MTR: variants seen among roughly 807,000 people sequenced by gnomAD.
The protein encoded by MTR is 5-methyltetrahydrofolate-homocysteine methyltransferase, also known as methionine synthase.
In MTR, 84 loss-of-function variants were observed where a neutral mutation model predicts 154.8. The observed-to-expected ratio is 0.54, with a 90% CI of 0.45 to 0.65. The LOEUF is 0.65. MTR is among the 30% of genes least tolerant of loss of function. MTR has a pLI of 0.00. For missense variants in MTR, 1,275 were observed against 1,570.2 expected (o/e 0.81, Z 3.18); for synonymous variants, 554 against 553.9 (o/e 1.00, Z 0.00).
chr1:236,861,097 C>A, intron 19 of MTR, 28 bp from the exon 20 acceptor site: 12 of 1,156,650 alleles, frequency 1.0e-5, no homozygotes, highest in South Asian at 3.3e-5. Context: ...CTTTCTTTTT[C>A]TTTTTTTTTT....
At chr1:236,863,593 T>C (rs1169786833) in intron 22 of MTR, 39 bp downstream of exon 22, 1 of 1,562,642 alleles carries the variant, frequency 6.4e-7, no homozygotes, top group Non-Finnish European at 8.8e-7. Flanking sequence ...CCTTTTCCAT[T>C]TAAAAATGAA....
intron 18 of MTR, among the ~76,000 whole-genome samples, chr1:236,854,014 TG>T (rs750392128): frequency 2.3e-4 from 35 of 152,228 alleles, no homozygotes; most frequent in Non-Finnish European, 4.6e-4. Context: ...CCACAAAGCA[TG>T]TTGAGAAAGT....
intron 27 of MTR, among the ~76,000 whole-genome samples, chr1:236,887,051 G>A (rs535002016): frequency 2.3e-4 from 35 of 152,290 alleles, no homozygotes; most frequent in African/African-American, 8.2e-4. Flanking sequence ...AATAAAACGT[G>A]TAAGATGTTT....
At chr1:236,814,522 G>A (rs1661480213) in intron 6 of MTR, among the ~76,000 whole-genome samples, 1 of 152,114 alleles carries the variant, frequency 6.6e-6, no homozygotes, top group East Asian at 1.9e-4. Flanking sequence ...AAATAGAATC[G>A]AGAGCTAACT....
intron 7 of MTR, 113 bp downstream of exon 7, chr1:236,815,776 C>A (rs1327623965): frequency 4.0e-6 from 4 of 1,002,212 alleles, no homozygotes; most frequent in East Asian, 2.5e-5. Flanking sequence ...TAGAACTCAT[C>A]TACTTTAACT....
intron 9 of MTR, among the ~76,000 whole-genome samples, 196 bp from the exon 10 acceptor site, chr1:236,825,140 ATT>A (rs749672025): frequency 1.3e-4 from 15 of 114,106 alleles, no homozygotes; most frequent in Admixed American, 3.6e-4. Flanking sequence ...TTCCTCTGTG[ATT>A]TTTTTTTTTT....
At chr1:236,889,030 TTTA>T in intron 27 of MTR, 148 bp from the exon 28 acceptor site, 2 of 932,486 alleles carry the variant, frequency 2.1e-6, no homozygotes, top group Non-Finnish European at 3.5e-6. Flanking sequence ...TCCACGATAA[TTTA>T]AAGTTCCCCT....
intron 21 of MTR, 38 bp downstream of exon 21, chr1:236,862,381 G>C (rs1162651410): frequency 6.4e-7 from 1 of 1,554,256 alleles, no homozygotes; most frequent in Non-Finnish European, 8.9e-7. Context: ...CCTTTAGTGG[G>C]TTGACCTGGA....
chr1:236,876,712 G>GA (rs36013971), intron 24 of MTR, among the ~76,000 whole-genome samples: 97,912 of 150,964 alleles, frequency 0.65, 31,914 homozygotes, highest in South Asian at 0.7. Flanking sequence ...CCAGATTAAA[G>GA]AAAAAAAAAC....
chr1:236,867,279 C>G (rs1452989374), intron 22 of MTR, among the ~76,000 whole-genome samples: 4 of 152,264 alleles, frequency 2.6e-5, no homozygotes, highest in Middle Eastern at 6.8e-3. Flanking sequence ...TATGTTAAAT[C>G]TACTCTGTCT....
chr1:236,852,690 G>A, intron 17 of MTR, 53 bp downstream of exon 17: 1 of 1,520,136 alleles, frequency 6.6e-7, no homozygotes, highest in Non-Finnish European at 9.1e-7. Context: ...GTTGGGGCAG[G>A]GGTTTTCAAA....
In MTR at chr1:236,894,344, C is replaced by T. The variant is rs1030708610; in HGVS notation, c.3205-13C>T. 1.7e-5 allele frequency: 28 copies of T among 1,614,036 alleles called. No individual in the cohort carries two copies. Among genetic ancestry groups the T allele is most frequent in the Non-Finnish European group, 2.3e-5 (27 of 1,180,012 alleles). Reference sequence around the variant, plus strand: ...CGGCGCCCCCGCACACTCCTACACTCCTTGGTTTTAAGGCTGAGAAGGACT... The same window carrying T: ...CGGCGCCCCCGCACACTCCTACACTTCTTGGTTTTAAGGCTGAGAAGGACT... On this transcript the variant is annotated splice_polypyrimidine_tract_variant and intron_variant, in intron 29 of 32. Transcript: ENST00000366577.
In MTR at chr1:236,868,072, C is replaced by G. The variant is rs1390463518; in HGVS notation, c.2405+4518C>G. On this transcript the variant is annotated intron_variant, in intron 22 of 32. Coordinates refer to ENST00000366577, the MANE Select transcript of MTR (RefSeq NM_000254.3). ...TGAGTAAAACGCTATCAAACAGCAT[C>G]ACATGCTGCAGAGAAATCTTTTGTG... Among the ~76,000 whole-genome samples the G allele has an allele frequency of 2.6e-5, 4 of 152,184 alleles. No homozygotes were observed. In the East Asian group the frequency reaches 7.7e-4, roughly 29 times the overall value.
chr1:236,822,312 GTT>G (rs199660325), intron 8 of MTR, among the ~76,000 whole-genome samples: 1 of 124,916 alleles, frequency 8.0e-6, no homozygotes, highest in Non-Finnish European at 1.6e-5. Context: ...GGTTTTTTTT[GTT>G]TTTTTTTTTT....
chr1:236,806,340 A>T, intron 3 of MTR, 107 bp downstream of exon 3: 4 of 875,026 alleles, frequency 4.6e-6, no homozygotes, highest in Non-Finnish European at 7.7e-6. Flanking sequence ...GCTAATGCCT[A>T]GTTATCTGTT....
At chr1:236,879,446 C>T (rs555490659) in intron 24 of MTR, among the ~76,000 whole-genome samples, 1 of 152,174 alleles carries the variant, frequency 6.6e-6, no homozygotes, top group African/African-American at 2.4e-5. Flanking sequence ...ATGTTTTTGT[C>T]GAGGGGGAAG....
intron 15 of MTR, among the ~76,000 whole-genome samples, chr1:236,846,826 A>G (rs1663603813): frequency 6.6e-6 from 1 of 151,634 alleles, no homozygotes; most frequent in Admixed American, 6.6e-5. Flanking sequence ...CCTACTTGTC[A>G]GTGTCTCTCT....
At chr1:236,855,671 T>C (rs1664162966) in intron 18 of MTR, among the ~76,000 whole-genome samples, 1 of 152,190 alleles carries the variant, frequency 6.6e-6, no homozygotes, top group South Asian at 2.1e-4. Context: ...GTGAGGCCCC[T>C]GTGAGGCAGA....
rs551573249 is a variant in MTR at position 236,898,566 on chromosome 1, A to AT, written c.*928dup. 6.6e-6 allele frequency: 1 copy of AT among 152,040 alleles called. No individual in the cohort carries two copies. The highest frequency in any genetic ancestry group is 1.5e-5 in the Non-Finnish European group (1 of 68,018). The allele number at this position is 152,040 out of a possible 1,614,324, so 9.4% of individuals were successfully genotyped here. ...AGGTGCCCGCCACCACACCCGGCTAATTTTTTGTGTTTTTACAAAATACAA... is the reference window on the plus strand; with the variant it reads ...AGGTGCCCGCCACCACACCCGGCTAATTTTTTTGTGTTTTTACAAAATACAA... On this transcript the variant is annotated 3_prime_UTR_variant, in exon 33 of 33. Transcript: ENST00000366577.
Sources: gnomAD v4.1 joint callset for allele counts (sites outside exome capture counted in the v4.1 genomes callset) on GRCh38, gnomAD v4.1.1 for gene constraint, MANE v1.5 for transcripts, NCBI Gene and HGNC (gene_info 2026-07-23, HGNC 2026-07-21) for gene names.